ZNF534: variants seen among roughly 807,000 people sequenced by gnomAD.
ZNF534 encodes the protein KRAB domain only 3.
Under a neutral mutation model 13.6 loss-of-function variants are expected in ZNF534, and 19 were observed. That is an observed-to-expected ratio of 1.40 (90% CI 0.97 to 2.05). ZNF534 has a LOEUF of 2.05. ZNF534 is among the 30% of genes most tolerant of loss of function. The pLI is 0.00. For missense variants in ZNF534, 782 were observed against 796.3 expected, an observed-to-expected ratio of 0.98 and a Z score of 0.22; for synonymous variants, 244 against 273.8, an observed-to-expected ratio of 0.89 and a Z score of 1.07.
chr19:52,451,111 T>C, intron 4 of ZNF534: 2 of 585,408 alleles, frequency 3.4e-6, no homozygotes, highest in East Asian at 2.9e-5. Flanking sequence ...TTCCCACCCA[T>C]AAAGATGGGT....
chr19:52,446,667 G>T (rs949463185), downstream of ZNF534, among the ~76,000 whole-genome samples: 4 of 152,110 alleles, frequency 2.6e-5, no homozygotes, highest in African/African-American at 9.7e-5. Context: ...AGACCAGCCT[G>T]GGCAACATAG....
chr19:52,431,846 T>C (rs891436316), intron 2 of ZNF534, among the ~76,000 whole-genome samples: 9 of 142,494 alleles, frequency 6.3e-5, no homozygotes, highest in African/African-American at 2.2e-4. Flanking sequence ...AGAAGCTGCA[T>C]GTGGAATTCC....
intron 4 of ZNF534, among the ~76,000 whole-genome samples, chr19:52,448,504 C>T (rs1032058308): frequency 2.0e-5 from 3 of 152,070 alleles, no homozygotes; most frequent in South Asian, 2.1e-4. Context: ...TTTGAGGATA[C>T]AGTGAGCTAT....
At chr19:52,434,483 A>G (rs1319458586) in intron 3 of ZNF534, among the ~76,000 whole-genome samples, 5 of 145,988 alleles carry the variant, frequency 3.4e-5, no homozygotes, top group East Asian at 1.9e-4. Flanking sequence ...AAAAAAAAAA[A>G]AAAGAAATGA....
chr19:52,440,636 C>T lies in ZNF534; in HGVS notation c.*1190C>T, dbSNP rs953523038. 1.3e-5 allele frequency among the ~76,000 whole-genome samples: 2 copies of T among 151,838 alleles called. No individual in the cohort carries two copies. Among genetic ancestry groups the T allele is most frequent in the African/African-American group, 4.8e-5 (2 of 41,360 alleles). Reference sequence around the variant, plus strand: ...TCACTACTAAAAATAAAAAAAATAGCTGGGTGTGGTGGTGGGTGTCTGTAA... The same window carrying T: ...TCACTACTAAAAATAAAAAAAATAGTTGGGTGTGGTGGTGGGTGTCTGTAA... On this transcript the variant is annotated 3_prime_UTR_variant, in exon 5 of 5. Transcript: ENST00000433050.
chr19:52,435,046 C>G lies in ZNF534; in HGVS notation c.143-35C>G, dbSNP rs766906040. The G allele has an allele frequency of 4.7e-5, 75 of 1,601,274 alleles. 1 individual carries two copies. In the South Asian group the frequency reaches 7.8e-4, roughly 17 times the overall value. ...TATAGGGCTTGGACTTTGGAGATGC[C>G]ACAGCACACATTTATTCTTTCTTTT... On this transcript the variant is annotated intron_variant, in intron 3 of 4. Transcript: ENST00000433050.
At chr19:52,435,994 T>C (rs891496201) in intron 4 of ZNF534, among the ~76,000 whole-genome samples, 4 of 149,046 alleles carry the variant, frequency 2.7e-5, no homozygotes, top group African/African-American at 1.0e-4. Flanking sequence ...TGGAGTACAG[T>C]GGCATGATCT....
In ZNF534 at chr19:52,438,587, A is replaced by G. The variant is rs773733386; in HGVS notation, c.1127A>G (p.His376Arg). 1 of 1,587,238 alleles carries G rather than the reference A, an allele frequency of 6.3e-7. No individual in the cohort carries two copies. The highest frequency in any genetic ancestry group is 8.6e-7 in the Non-Finnish European group (1 of 1,165,206). ...TTCCTTGCAAGGCATCGGAAAGTTC[A>G]TACTGGAGAGAAACCTTACAAATGT... ...IAFLARHRKV[H>R]TGEKPYKCNE... Residue 376 changes from histidine to arginine, a missense_variant, in exon 5 of 5, where the codon CAT becomes CGT. This residue lies in a region of ZNF534 where 591 missense variants were observed against 574.0 expected (regional missense o/e 1.03). Transcript: ENST00000433050.
Position 52,439,552 on chromosome 19 carries a change from G to A in ZNF534, c.*106G>A. ...AGGTCAGGAGATTGAGACCATCCTG[G>A]CTAACACGGTGAAACCCCATCTCTA... On this transcript the variant is annotated 3_prime_UTR_variant, in exon 5 of 5. Coordinates refer to ENST00000433050, the MANE Select transcript of ZNF534 (RefSeq NM_001143938.3). The A allele has an allele frequency of 9.6e-7, 1 of 1,036,464 alleles. No homozygotes were observed. The highest frequency in any genetic ancestry group is 2.7e-5 in the East Asian group (1 of 37,138). The allele number at this position is 1,036,464 out of a possible 1,614,324, so 64.2% of individuals were successfully genotyped here. A position where few individuals can be genotyped will look rare whatever the true frequency, so the allele number is the denominator to read the frequency against.
chr19:52,444,414 G>A (rs2561012), downstream of ZNF534, among the ~76,000 whole-genome samples: 139,387 of 152,160 alleles, frequency 0.92, 64,207 homozygotes, highest in Non-Finnish European at 0.97. Context: ...GCAGGGGGAC[G>A]AAATGGAATC....
rs756928217 is a variant in ZNF534 at position 52,438,554 on chromosome 19, G to A, written c.1094G>A (p.Arg365Gln). 1.5e-5 allele frequency: 24 copies of A among 1,579,126 alleles called. No individual in the cohort carries two copies. In the East Asian group the frequency reaches 3.5e-4, roughly 23 times the overall value. ...AATGAATGTGGCAAGGGGTTTAGTCGAATTGCATTCCTTGCAAGGCATCGG... is the reference window on the plus strand; with the variant it reads ...AATGAATGTGGCAAGGGGTTTAGTCAAATTGCATTCCTTGCAAGGCATCGG... Reference protein sequence around the residue: ...KCNECGKGFSRIAFLARHRKV... With the variant: ...KCNECGKGFSQIAFLARHRKV... Residue 365 changes from arginine to glutamine, a missense_variant, in exon 5 of 5, where the codon CGA (arginine) becomes CAA (glutamine). Physicochemically the swap from Arg to Gln is conservative, Grantham distance 43. This residue lies in a region of ZNF534 where 591 missense variants were observed against 574.0 expected (regional missense o/e 1.03). Coordinates refer to ENST00000433050, the MANE Select transcript of ZNF534 (RefSeq NM_001143938.3).
intron 2 of ZNF534, among the ~76,000 whole-genome samples, chr19:52,433,377 G>A (rs905409481): frequency 6.6e-6 from 1 of 151,266 alleles, no homozygotes; most frequent in Non-Finnish European, 1.5e-5. Flanking sequence ...TCTTTTTGGG[G>A]GGGGGAGGGG....
chr19:52,438,463 T>G lies in ZNF534; in HGVS notation c.1003T>G (p.Phe335Val), dbSNP rs1445022909. ...TGATTGTAAGGAATGTGGCAAGGTC[T>G]TCAGGCATAAGTCTTCCCTAACCAC... ...PYDCKECGKV[F>V]RHKSSLTTHQ... is the part of the protein sequence containing the mutation. The change falls in exon 5 of 5, where the codon TTC becomes GTC. Residue 335 changes from phenylalanine (F) to valine (V), a missense_variant. Phe to Val is a conservative substitution (Grantham distance 50, BLOSUM62 -1). Transcript: ENST00000433050. 3.7e-6 allele frequency: 6 copies of G among 1,605,110 alleles called. No homozygotes were observed. Among genetic ancestry groups the G allele is most frequent in the Non-Finnish European group, 4.3e-6 (5 of 1,175,208 alleles).
In ZNF534 at chr19:52,437,873, C is replaced by G. The variant is rs2059138537; in HGVS notation, c.413C>G (p.Ser138Cys). 2 of 1,613,754 alleles carry G rather than the reference C, an allele frequency of 1.2e-6. No homozygotes were observed. The highest frequency in any genetic ancestry group is 8.5e-7 in the Non-Finnish European group (1 of 1,179,826). Residue 138 changes from serine to cysteine, a missense_variant, in exon 5 of 5, where the codon TCT (serine) becomes TGT (cysteine). By Grantham distance (112) the Ser-to-Cys change is moderately radical. Transcript: ENST00000433050. The part of the protein sequence containing the change: ...NIYGCKHVEK[S>C]ISDNSSVSPV... The stretch of plus-strand genomic sequence containing the variant: ...TATGGATGTAAGCATGTTGAGAAAT[C>G]TATCAGTGACAATTCTTCAGTTTCA...
downstream of ZNF534, among the ~76,000 whole-genome samples, chr19:52,442,652 C>G (rs2059180519): frequency 6.6e-6 from 1 of 152,178 alleles, no homozygotes; most frequent in South Asian, 2.1e-4. Flanking sequence ...CTCTTTATAA[C>G]TTTCAACCTG....
At chr19:52,442,846 A>G (rs2059181184), downstream of ZNF534, among the ~76,000 whole-genome samples, 1 of 152,230 alleles carries the variant, frequency 6.6e-6, no homozygotes, top group South Asian at 2.1e-4. Context: ...TTTAGACAGC[A>G]TGGACATGGG....
At chr19:52,433,926 C>T in intron 2 of ZNF534, 29 bp from the exon 3 acceptor site, 1 of 1,613,068 alleles carries the variant, frequency 6.2e-7, no homozygotes, top group Non-Finnish European at 8.5e-7. Flanking sequence ...TCTCCATACC[C>T]TGTTTTTGAA....
chr19:52,433,260 A>T (rs993310054), intron 2 of ZNF534, among the ~76,000 whole-genome samples: 21 of 135,660 alleles, frequency 1.5e-4, no homozygotes, highest in African/African-American at 5.5e-4. Context: ...AAAAAAAAAA[A>T]GAAAGAAAGC....
chr19:52,450,997 T>G (rs538793924), intron 4 of ZNF534, among the ~76,000 whole-genome samples: 1 of 152,128 alleles, frequency 6.6e-6, no homozygotes, highest in Non-Finnish European at 1.5e-5. Context: ...TAGGATTCAT[T>G]TTTTTCTATT....
Sources: allele counts gnomAD v4.1 joint callset (sites outside exome capture counted in the v4.1 genomes callset), GRCh38; gene constraint gnomAD v4.1.1; regional missense constraint gnomAD v4.1.1; transcripts MANE v1.5; gene names NCBI Gene and HGNC (gene_info 2026-07-23, HGNC 2026-07-21).